COG6: variants seen among roughly 807,000 people sequenced by gnomAD.
COG6 encodes the protein conserved oligomeric Golgi complex subunit 6.
In COG6, 74 loss-of-function variants were observed where a neutral mutation model predicts 88.8. The ratio of observed to expected loss-of-function variants is 0.83; its 90% CI spans 0.69 to 1.01. The LOEUF is 1.01. Ranked by LOEUF, COG6 falls within the 50% of genes least tolerant of loss-of-function variation. The pLI, the probability that COG6 is intolerant of heterozygous loss-of-function variation, is 0.00. For missense variants in COG6, 800 were observed against 797.9 expected, an observed-to-expected ratio of 1.00 and a Z score of -0.03; for synonymous variants, 286 against 278.7, an observed-to-expected ratio of 1.03 and a Z score of -0.26.
chr13:39,757,574 A>C (rs1880879697), downstream of COG6, among the ~76,000 whole-genome samples: 1 of 152,012 alleles, frequency 6.6e-6, no homozygotes, highest in Non-Finnish European at 1.5e-5. Context: ...TGAACAATAA[A>C]AAAAAAAAGA....
chr13:39,666,577 CACTGATCTTGACATTCT>C (rs67276007), intron 4 of COG6, among the ~76,000 whole-genome samples: 34,779 of 152,026 alleles, frequency 0.23, 4,229 homozygotes, highest in Non-Finnish European at 0.28. Flanking sequence ...GTTTTACATC[CACTGATCTTGACATTCT>C]TTTATTTTGA....
exon 19 of COG6, chr13:39,790,189 C>T (rs1230292143): frequency 2.0e-5 from 3 of 152,132 alleles, no homozygotes; most frequent in Non-Finnish European, 4.4e-5. Context: ...AGTTTATCTC[C>T]TTTATTTGCG....
intron 18 of COG6, among the ~76,000 whole-genome samples, chr13:39,744,624 G>T (rs1199640784): frequency 6.6e-6 from 1 of 152,080 alleles, no homozygotes; most frequent in East Asian, 1.9e-4. Flanking sequence ...ACAAATGGAA[G>T]AACATTTCAT....
chr13:39,752,895 C>G (rs947753154), downstream of COG6, among the ~76,000 whole-genome samples: 1 of 152,154 alleles, frequency 6.6e-6, no homozygotes, highest in Admixed American at 6.5e-5. Context: ...TAAGTATAAC[C>G]TGGAAAAGGC....
chr13:39,678,006 A>C (rs1876076481), intron 5 of COG6: 2 of 429,090 alleles, frequency 4.7e-6, no homozygotes, highest in Admixed American at 5.2e-5. Flanking sequence ...CAGATAGTAC[A>C]CACATATGTT....
chr13:39,698,118 C>G (rs1306988299), intron 12 of COG6, among the ~76,000 whole-genome samples: 1 of 151,128 alleles, frequency 6.6e-6, no homozygotes. Context: ...AATGAGTGTT[C>G]AATAAACGTT....
chr13:39,683,507 A>G (rs1044394246), intron 8 of COG6, among the ~76,000 whole-genome samples: 9 of 152,186 alleles, frequency 5.9e-5, no homozygotes, highest in African/African-American at 2.2e-4. Flanking sequence ...ATTAGGAGCA[A>G]CAGCTGGATC....
At position 39,677,399 on chromosome 13, in the gene COG6, A is replaced by T. The variant is rs1876035296; in HGVS notation, c.429-69A>T. 4 of 857,984 alleles carry T rather than the reference A, an allele frequency of 4.7e-6. No homozygotes were observed. The East Asian group carries it at 9.9e-5, about 21-fold the overall frequency. The allele number at this position is 857,984 out of a possible 1,614,324, so 53.1% of individuals were successfully genotyped here. On this transcript the variant is annotated intron_variant, in intron 4 of 18. Transcript: ENST00000455146. ...TTTAAAAATTTATTATGTCTGAGAT[A>T]GAATTTGTTTTAAAGCTATGCAACT...
In COG6 at chr13:39,715,587, G is replaced by T. The variant is rs549106700; in HGVS notation, c.1285-3649G>T. On this transcript the variant is annotated intron_variant, in intron 13 of 18. Coordinates refer to ENST00000455146, the MANE Select transcript of COG6 (RefSeq NM_020751.3). ...AAAGATTCCACTGAAAAAAATTTGA[G>T]TATCTTCAGTTTATATTTCTTATGT... 2.1e-3 allele frequency among the ~76,000 whole-genome samples: 313 copies of T among 152,088 alleles called. 4 individuals are homozygous for T. The highest frequency in any genetic ancestry group is 7.0e-3 in the African/African-American group (290 of 41,506).
intron 13 of COG6, among the ~76,000 whole-genome samples, chr13:39,718,397 A>G (rs1878653337): frequency 1.3e-5 from 2 of 152,150 alleles, no homozygotes; most frequent in Admixed American, 1.3e-4. Flanking sequence ...AATTTACAAA[A>G]TGTTACTTTA....
At chr13:39,783,315 G>A (rs768341829) in intron 18 of COG6, among the ~76,000 whole-genome samples, 2 of 152,190 alleles carry the variant, frequency 1.3e-5, no homozygotes, top group African/African-American at 2.4e-5. Flanking sequence ...CTTGACAAGA[G>A]TGTGGCAGCC....
chr13:39,738,198 G>A (rs990888440), intron 18 of COG6, among the ~76,000 whole-genome samples: 1 of 152,084 alleles, frequency 6.6e-6, no homozygotes, highest in Non-Finnish European at 1.5e-5. Context: ...CTGCTTGGGG[G>A]ACGATCTCTG....
chr13:39,737,384 CT>C (rs888408566), intron 18 of COG6, among the ~76,000 whole-genome samples: 6 of 151,988 alleles, frequency 3.9e-5, no homozygotes, highest in Non-Finnish European at 7.4e-5. Context: ...ATCAGTGAGG[CT>C]TGTGTCCTTC....
chr13:39,679,597 G>A lies in COG6; in HGVS notation c.600G>A (p.Leu200=), dbSNP rs746075600. The A allele has an allele frequency of 6.2e-7, 1 of 1,607,612 alleles. No homozygotes were observed. The highest frequency in any genetic ancestry group is 1.1e-5 in the South Asian group (1 of 90,934). Reference sequence around the variant, plus strand: ...TTCATAATGATGTCAAAGTTCTCTTGCGTACAAATCAACAAACGGCAGGGT... The same window carrying A: ...TTCATAATGATGTCAAAGTTCTCTTACGTACAAATCAACAAACGGCAGGGT... The part of the protein sequence containing the change: ...KQIHNDVKVL[L]RTNQQTAGLE... The change falls in exon 6 of 19, where the codon TTG becomes TTA. Residue 200 remains leucine (L), a synonymous_variant. Transcript: ENST00000455146.
Position 39,679,569 on chromosome 13 carries a change from A to T in COG6, c.572A>T (p.Gln191Leu). ...DFFKALGRVK[Q>L]IHNDVKVLLR... ...TTCAAGGCACTGGGAAGAGTAAAAC[A>T]GATTCATAATGATGTCAAAGTTCTC... The change falls in exon 6 of 19, where the codon CAG becomes CTG. Residue 191 changes from glutamine to leucine, a missense_variant. Coordinates refer to ENST00000455146, the MANE Select transcript of COG6 (RefSeq NM_020751.3). The T allele has an allele frequency of 1.2e-6, 2 of 1,604,760 alleles. No homozygotes were observed. Among genetic ancestry groups the T allele is most frequent in the Non-Finnish European group, 1.7e-6 (2 of 1,171,594 alleles).
intron 4 of COG6, among the ~76,000 whole-genome samples, chr13:39,668,604 C>T (rs1875416934): frequency 2.0e-5 from 3 of 151,818 alleles, no homozygotes; most frequent in African/African-American, 4.8e-5. Flanking sequence ...CTGGCTAATG[C>T]GGTGAAACCC....
chr13:39,749,926 A>C (rs1359229620), intron 18 of COG6, among the ~76,000 whole-genome samples: 1 of 152,084 alleles, frequency 6.6e-6, no homozygotes, highest in Non-Finnish European at 1.5e-5. Context: ...AGATTGATCT[A>C]ACAACAGTGC....
chr13:39,674,466 G>GTGAT (rs1382474132), intron 4 of COG6, among the ~76,000 whole-genome samples: 1 of 152,140 alleles, frequency 6.6e-6, no homozygotes, highest in African/African-American at 2.4e-5. Flanking sequence ...CATAAATCAT[G>GTGAT]TTCTGGGCTG....
At position 39,752,076 on chromosome 13, in the gene COG6, T is replaced by A. The variant is rs1880666537; in HGVS notation, c.*983T>A. ...ACTCTGACTTTAGACCATTACCTAT[T>A]AGGAAGATTAAAAATGACTGTATTT... On this transcript the variant is annotated 3_prime_UTR_variant, in exon 19 of 19. Transcript: ENST00000455146. 3 of 1,285,660 alleles carry A rather than the reference T, an allele frequency of 2.3e-6. No individual in the cohort carries two copies. The highest frequency in any genetic ancestry group is 3.0e-6 in the Non-Finnish European group (3 of 987,562). 79.6% of individuals were successfully genotyped at this position (1,285,660 alleles called of 1,614,324 possible). A position where few individuals can be genotyped will look rare whatever the true frequency, so the allele number is the denominator to read the frequency against.
Sources: allele counts gnomAD v4.1 joint callset (sites outside exome capture counted in the v4.1 genomes callset), GRCh38; gene constraint gnomAD v4.1.1; transcripts MANE v1.5; gene names NCBI Gene and HGNC (gene_info 2026-07-23, HGNC 2026-07-21).